ASTN1: variants seen among roughly 807,000 people sequenced by gnomAD.
ASTN1 encodes the protein astrotactin-1.
A neutral mutation model predicts 140.7 loss-of-function variants in ASTN1; 41 were observed. The observed-to-expected ratio is 0.29, with a 90% CI of 0.23 to 0.38. The LOEUF is 0.38. ASTN1 is among the 10% of genes least tolerant of loss of function. The pLI is 1.00. For synonymous variants in ASTN1, 640 were observed against 652.2 expected (o/e 0.98, Z 0.29); for missense variants, 1,479 against 1,678.8 (o/e 0.88, Z 2.08).
At chr1:176,913,348 T>C (rs1356279238) in intron 16 of ASTN1, among the ~76,000 whole-genome samples, 10 of 152,208 alleles carry the variant, frequency 6.6e-5, no homozygotes. Context: ...AGGATCACAT[T>C]GGGTTGTTGG....
chr1:176,946,081 A>G lies in ASTN1; in HGVS notation c.2094T>C (p.Ser698=), dbSNP rs757691127. Residue 698 remains serine, a synonymous_variant, in exon 13 of 23, where the codon TCT becomes TCC. Transcript: ENST00000361833. ...EDYKLGVDGR[S]CQLITETCPE... ...GACAGGTCTCCGTGATGAGTTGGCA[A>G]GAGCGTCCATCCACACCAAGCTTGT... 1.2e-6 allele frequency: 2 copies of G among 1,613,524 alleles called. No homozygotes were observed. Among genetic ancestry groups the G allele is most frequent in the East Asian group, 2.2e-5 (1 of 44,880 alleles).
intron 8 of ASTN1, among the ~76,000 whole-genome samples, chr1:177,010,665 T>C (rs1675244332): frequency 6.6e-6 from 1 of 152,144 alleles, no homozygotes; most frequent in Admixed American, 6.5e-5. Context: ...CACACAAATG[T>C]TTCAACCTGC....
intron 2 of ASTN1, among the ~76,000 whole-genome samples, chr1:177,042,152 C>A (rs1677007412): frequency 6.6e-6 from 1 of 152,232 alleles, no homozygotes; most frequent in African/African-American, 2.4e-5. Context: ...TTAAAGGCTG[C>A]ACTATTCAGA....
At chr1:177,083,874 A>G (rs369754218) in intron 1 of ASTN1, among the ~76,000 whole-genome samples, 5 of 152,180 alleles carry the variant, frequency 3.3e-5, no homozygotes, top group African/African-American at 4.8e-5. Flanking sequence ...CCTTTCAGAG[A>G]GAGTCAGAGG....
intron 1 of ASTN1, among the ~76,000 whole-genome samples, chr1:177,162,693 C>T (rs1329200986): frequency 6.6e-6 from 1 of 152,158 alleles, no homozygotes; most frequent in Non-Finnish European, 1.5e-5. Context: ...AAGCAGAGTG[C>T]AAAACAGCCT....
At chr1:176,885,611 C>T (rs535042437) in intron 18 of ASTN1, among the ~76,000 whole-genome samples, 13 of 152,174 alleles carry the variant, frequency 8.5e-5, no homozygotes, top group Admixed American at 2.6e-4. Flanking sequence ...CTCTGCTTGG[C>T]TCACAGGTGC....
At chr1:176,904,245 C>T (rs1273231401) in intron 16 of ASTN1, among the ~76,000 whole-genome samples, 2 of 152,154 alleles carry the variant, frequency 1.3e-5, no homozygotes, top group Non-Finnish European at 2.9e-5. Context: ...GCTTGCAGTC[C>T]ATCCCCTCAG....
chr1:176,970,574 G>C (rs891788101), intron 8 of ASTN1, among the ~76,000 whole-genome samples: 1 of 151,866 alleles, frequency 6.6e-6, no homozygotes, highest in Admixed American at 6.6e-5. Flanking sequence ...TAGGTAGGTA[G>C]GTAGGTAGGT....
chr1:176,935,996 A>G (rs900856145), intron 15 of ASTN1: 7 of 503,912 alleles, frequency 1.4e-5, no homozygotes, highest in Admixed American at 6.3e-5. Context: ...GGATGAGCCC[A>G]GGAAAAATTA....
At chr1:176,965,750 G>T (rs867464928) in intron 8 of ASTN1, among the ~76,000 whole-genome samples, 10 of 152,286 alleles carry the variant, frequency 6.6e-5, no homozygotes, top group African/African-American at 2.4e-4. Context: ...AGATTAAGCA[G>T]ACCTCTTAGG....
At chr1:177,057,248 C>T (rs976033661) in intron 2 of ASTN1, among the ~76,000 whole-genome samples, 1 of 152,112 alleles carries the variant, frequency 6.6e-6, no homozygotes, top group African/African-American at 2.4e-5. Flanking sequence ...TTGCCGAGCT[C>T]CCAGCTGGGG....
At chr1:176,972,304 A>G (rs1347236102) in intron 8 of ASTN1, among the ~76,000 whole-genome samples, 1 of 152,184 alleles carries the variant, frequency 6.6e-6, no homozygotes, top group African/African-American at 2.4e-5. Context: ...CAGTATTCAG[A>G]GCCCACATGA....
intron 14 of ASTN1, among the ~76,000 whole-genome samples, chr1:176,936,935 T>G (rs531240590): frequency 6.6e-6 from 1 of 152,346 alleles, no homozygotes; most frequent in African/African-American, 2.4e-5. Context: ...GTATTCATCC[T>G]ATCTACTTTA....
At chr1:177,125,468 G>C (rs1236258369) in intron 1 of ASTN1, among the ~76,000 whole-genome samples, 1 of 152,202 alleles carries the variant, frequency 6.6e-6, no homozygotes, top group African/African-American at 2.4e-5. Flanking sequence ...TCTTTAAAGT[G>C]AACACCATTC....
intron 1 of ASTN1, among the ~76,000 whole-genome samples, chr1:177,098,166 T>A (rs938068486): frequency 6.6e-6 from 1 of 152,136 alleles, no homozygotes; most frequent in Non-Finnish European, 1.5e-5. Flanking sequence ...GGACTTGCCA[T>A]TGGCGTCTGA....
intron 11 of ASTN1, among the ~76,000 whole-genome samples, chr1:176,954,823 TACAGGTCTGTGCCTTTC>T (rs908594879): frequency 6.6e-5 from 10 of 152,216 alleles, no homozygotes; most frequent in African/African-American, 2.4e-4. Flanking sequence ...CTGTGGTTTG[TACAGGTCTGTGCCTTTC>T]ACAGATATTT....
At chr1:176,991,732 AC>A (rs1418915129) in intron 8 of ASTN1, among the ~76,000 whole-genome samples, 1 of 152,190 alleles carries the variant, frequency 6.6e-6, no homozygotes, top group African/African-American at 2.4e-5. Context: ...GGTTTCAGAG[AC>A]TGACTATCTT....
chr1:177,130,678 G>A (rs1681900499), intron 1 of ASTN1, among the ~76,000 whole-genome samples: 2 of 152,130 alleles, frequency 1.3e-5, no homozygotes, highest in Admixed American at 6.5e-5. Flanking sequence ...AAACCCCCAA[G>A]TTGCAGTTCA....
At chr1:177,095,890 T>C (rs1031353004) in intron 1 of ASTN1, among the ~76,000 whole-genome samples, 3 of 152,198 alleles carry the variant, frequency 2.0e-5, no homozygotes, top group Non-Finnish European at 4.4e-5. Context: ...TCATCAGCTG[T>C]ACCCAGCAAA....
Sources: allele counts gnomAD v4.1 joint callset (sites outside exome capture counted in the v4.1 genomes callset), GRCh38; gene constraint gnomAD v4.1.1; transcripts MANE v1.5; gene names NCBI Gene and HGNC (gene_info 2026-07-23, HGNC 2026-07-21).